Variants in JARID2 observed in about 807,000 individuals in gnomAD.
The protein encoded by JARID2 is protein Jumonji.
A neutral mutation model predicts 125.6 loss-of-function variants in JARID2; 21 were observed. The ratio of observed to expected loss-of-function variants is 0.17; its 90% CI spans 0.12 to 0.24. The LOEUF (loss-of-function observed/expected upper bound fraction) is 0.24, where lower values mean the gene tolerates loss of function less well. JARID2 is among the 10% of genes least tolerant of loss of function. JARID2 has a pLI of 1.00. For missense variants in JARID2, 1,303 were observed against 1,639.6 expected, an observed-to-expected ratio of 0.79 and a Z score of 3.55; for synonymous variants, 736 against 661.6, an observed-to-expected ratio of 1.11 and a Z score of -1.73.
At chr6:15,273,993 A>G (rs1242174374) in intron 1 of JARID2, among the ~76,000 whole-genome samples, 1 of 149,704 alleles carries the variant, frequency 6.7e-6, no homozygotes, top group Non-Finnish European at 1.5e-5. Flanking sequence ...CAGTGGCACG[A>G]TCTCAGCTCA....
intron 3 of JARID2, among the ~76,000 whole-genome samples, chr6:15,444,754 T>TA (rs1195166895): frequency 6.6e-6 from 1 of 150,780 alleles, no homozygotes; most frequent in Non-Finnish European, 1.5e-5. Flanking sequence ...TTTTTTTTTT[T>TA]TTTGAATGAA....
Position 15,278,550 on chromosome 6 carries a change from C to T in JARID2, c.45+31966C>T, listed in dbSNP as rs569806674. Among the ~76,000 whole-genome samples the T allele has an allele frequency of 7.2e-3, 1,098 of 152,224 alleles. 3 individuals are homozygous for T. Among genetic ancestry groups the T allele is most frequent in the South Asian group, 0.015 (74 of 4,824 alleles). On this transcript the variant is annotated intron_variant, in intron 1 of 17. Coordinates refer to ENST00000341776, the MANE Select transcript of JARID2 (RefSeq NM_004973.4). ...GCAGTGAGCCGAGATCGCGCCACTG[C>T]ACTCCAGCCTGGGCAACAGAGCAAG...
At chr6:15,491,575 G>A (rs1402834679) in intron 6 of JARID2, among the ~76,000 whole-genome samples, 2 of 152,242 alleles carry the variant, frequency 1.3e-5, no homozygotes, top group East Asian at 1.9e-4. Flanking sequence ...GCTCCCTCTC[G>A]TGGAGAAGAA....
At chr6:15,427,705 C>A (rs1766790470) in intron 3 of JARID2, among the ~76,000 whole-genome samples, 1 of 152,086 alleles carries the variant, frequency 6.6e-6, no homozygotes, top group Non-Finnish European at 1.5e-5. Flanking sequence ...AACATTTGAT[C>A]AGTTCCTGAA....
intron 4 of JARID2, 166 bp downstream of exon 4, chr6:15,452,341 T>C (rs909159210): frequency 3.2e-6 from 2 of 619,184 alleles, no homozygotes; most frequent in African/African-American, 4.0e-5. Flanking sequence ...GAGTGTGTGC[T>C]GGGTGTGGCT....
intron 2 of JARID2, among the ~76,000 whole-genome samples, chr6:15,388,946 C>T (rs17576436): frequency 0.09 from 13,723 of 152,100 alleles, 782 homozygotes; most frequent in South Asian, 0.16. Context: ...TCCCTGTTTT[C>T]TTTCTGCAGT....
At chr6:15,471,187 A>T (rs1031866000) in intron 5 of JARID2, among the ~76,000 whole-genome samples, 3 of 152,338 alleles carry the variant, frequency 2.0e-5, no homozygotes, top group African/African-American at 7.2e-5. Flanking sequence ...GAAAGGTAAT[A>T]ACTTTATAAT....
At chr6:15,253,972 G>A (rs990436221) in intron 1 of JARID2, among the ~76,000 whole-genome samples, 17 of 152,166 alleles carry the variant, frequency 1.1e-4, no homozygotes, top group African/African-American at 2.9e-4. Context: ...TAACATGAAC[G>A]ATCAGTGGAG....
intron 3 of JARID2, among the ~76,000 whole-genome samples, chr6:15,446,989 G>A (rs1380334848): frequency 6.6e-6 from 1 of 152,308 alleles, no homozygotes; most frequent in Admixed American, 6.5e-5. Flanking sequence ...TGTGTACAGT[G>A]AAGGGGATCT....
At chr6:15,266,952 G>C (rs1453007053) in intron 1 of JARID2, among the ~76,000 whole-genome samples, 2 of 152,212 alleles carry the variant, frequency 1.3e-5, no homozygotes, top group African/African-American at 4.8e-5. Context: ...CCATTGTAAT[G>C]TGGGGTGCAC....
chr6:15,446,385 G>A (rs904536725), intron 3 of JARID2, among the ~76,000 whole-genome samples: 1 of 152,206 alleles, frequency 6.6e-6, no homozygotes, highest in Non-Finnish European at 1.5e-5. Flanking sequence ...ACCTCTCTCC[G>A]AGGAGGTGAC....
At chr6:15,366,229 G>A (rs80257052) in intron 1 of JARID2, among the ~76,000 whole-genome samples, 1 of 152,078 alleles carries the variant, frequency 6.6e-6, no homozygotes, top group Non-Finnish European at 1.5e-5. Context: ...AAAATAAAAG[G>A]CATTCATGTA....
At position 15,496,508 on chromosome 6, in the gene JARID2, G is replaced by T. The variant is rs767261258; in HGVS notation, c.1283G>T (p.Arg428Leu). The change falls in exon 7 of 18, where the codon CGG becomes CTG. Residue 428 changes from arginine to leucine, a missense_variant. Coordinates refer to ENST00000341776, the MANE Select transcript of JARID2 (RefSeq NM_004973.4). Reference sequence around the variant, plus strand: ...AAGGAGGTGGGGGGGCGGCAGCTGCGGGAGGGCCTGCAGCTGCGGGAGGGG... The same window carrying T: ...AAGGAGGTGGGGGGGCGGCAGCTGCTGGAGGGCCTGCAGCTGCGGGAGGGG... ...CTKEVGGRQLREGLQLREGLR... is the reference protein window; with the variant it reads ...CTKEVGGRQLLEGLQLREGLR... The T allele has an allele frequency of 1.2e-6, 2 of 1,606,544 alleles. No homozygotes were observed. The highest frequency in any genetic ancestry group is 2.2e-5 in the East Asian group (1 of 44,754).
chr6:15,354,969 G>A (rs183297241), intron 1 of JARID2, among the ~76,000 whole-genome samples: 6 of 152,222 alleles, frequency 3.9e-5, no homozygotes, highest in East Asian at 1.9e-4. Context: ...ATTAGGCTGC[G>A]GATTGCTGAC....
chr6:15,289,564 C>A (rs966453581), intron 1 of JARID2, among the ~76,000 whole-genome samples: 6 of 150,388 alleles, frequency 4.0e-5, no homozygotes, highest in Non-Finnish European at 8.9e-5. Flanking sequence ...AAAAAAAAAA[C>A]CATGTTTTAA....
At chr6:15,360,085 G>A (rs1041558285) in intron 1 of JARID2, among the ~76,000 whole-genome samples, 11 of 152,162 alleles carry the variant, frequency 7.2e-5, no homozygotes, top group African/African-American at 2.7e-4. Context: ...GATTTTCAGA[G>A]AATGGCTCTT....
intron 1 of JARID2, among the ~76,000 whole-genome samples, chr6:15,303,480 T>C (rs541849018): frequency 2.0e-5 from 3 of 152,386 alleles, no homozygotes; most frequent in Non-Finnish European, 4.4e-5. Context: ...ACTCCTGGCC[T>C]TCCCTCTTTG....
chr6:15,252,385 T>A (rs1213436009), intron 1 of JARID2, among the ~76,000 whole-genome samples: 1 of 152,214 alleles, frequency 6.6e-6, no homozygotes, highest in African/African-American at 2.4e-5. Context: ...TTGTCATCTC[T>A]GATAAGAGTG....
At chr6:15,326,739 G>T (rs1762545669) in intron 1 of JARID2, among the ~76,000 whole-genome samples, 1 of 152,188 alleles carries the variant, frequency 6.6e-6, no homozygotes, top group Non-Finnish European at 1.5e-5. Context: ...GGCCTAAAGT[G>T]ATCAGTCCAC....
Sources: allele counts gnomAD v4.1 joint callset (sites outside exome capture counted in the v4.1 genomes callset), GRCh38; gene constraint gnomAD v4.1.1; transcripts MANE v1.5; gene names NCBI Gene and HGNC (gene_info 2026-07-23, HGNC 2026-07-21).